Variants in SPOCK3 observed in about 807,000 individuals in gnomAD.
The protein encoded by SPOCK3 is SPARC (osteonectin), cwcv and kazal like domains proteoglycan 3.
SPOCK3 carries 30 observed loss-of-function variants against 56.6 expected under a neutral mutation model. The observed-to-expected ratio is 0.53, with a 90% CI of 0.40 to 0.72. SPOCK3 has a LOEUF of 0.72. Among genes scored for constraint, SPOCK3 ranks in the 30% least tolerant of loss-of-function variants. The probability of loss-of-function intolerance (pLI) is 0.00; values close to 1 mark genes in which losing one functional copy is unlikely to be tolerated. For missense variants in SPOCK3, 527 were observed against 530.0 expected, an observed-to-expected ratio of 0.99 and a Z score of 0.06; for synonymous variants, 196 against 183.3, an observed-to-expected ratio of 1.07 and a Z score of -0.56.
At chr4:166,922,957 T>C (rs1202460572) in intron 4 of SPOCK3, among the ~76,000 whole-genome samples, 1 of 152,190 alleles carries the variant, frequency 6.6e-6, no homozygotes, top group African/African-American at 2.4e-5. Flanking sequence ...TTCCCATGTC[T>C]GCTGTAATAA....
intron 8 of SPOCK3, among the ~76,000 whole-genome samples, chr4:166,748,605 G>A (rs1412645424): frequency 7.3e-6 from 1 of 136,742 alleles, no homozygotes; most frequent in Non-Finnish European, 1.5e-5. Context: ...AACACCAAAA[G>A]CAATGGCAAC....
intron 7 of SPOCK3, among the ~76,000 whole-genome samples, chr4:166,776,252 A>C (rs1739529528): frequency 6.6e-6 from 1 of 152,104 alleles, no homozygotes; most frequent in Non-Finnish European, 1.5e-5. Context: ...CTCTCTGCTA[A>C]AAATACAAAA....
At chr4:167,128,878 T>G (rs1383923052) in intron 2 of SPOCK3, among the ~76,000 whole-genome samples, 1 of 152,146 alleles carries the variant, frequency 6.6e-6, no homozygotes, top group Non-Finnish European at 1.5e-5. Context: ...CCACCCTGAA[T>G]GGAGGATTCC....
At chr4:166,955,551 ATAT>A (rs1305745381) in intron 4 of SPOCK3, among the ~76,000 whole-genome samples, 12 of 117,616 alleles carry the variant, frequency 1.0e-4, no homozygotes, top group African/African-American at 1.6e-4. Context: ...TTATTAAATT[ATAT>A]TATATTATTA....
At chr4:167,090,112 T>G (rs1458161634) in intron 2 of SPOCK3, among the ~76,000 whole-genome samples, 1 of 152,190 alleles carries the variant, frequency 6.6e-6, no homozygotes, top group Non-Finnish European at 1.5e-5. Context: ...TGTGGACATA[T>G]GTTTTTATTT....
At chr4:167,001,192 A>C (rs1430591422) in intron 3 of SPOCK3, among the ~76,000 whole-genome samples, 1 of 152,154 alleles carries the variant, frequency 6.6e-6, no homozygotes, top group Non-Finnish European at 1.5e-5. Context: ...GTATGTTTGC[A>C]ATTATAAAAT....
At position 166,903,853 on chromosome 4, in the gene SPOCK3, T is replaced by C. The variant is rs147909197; in HGVS notation, c.474+8767A>G. 2.4e-4 allele frequency among the ~76,000 whole-genome samples: 36 copies of C among 152,150 alleles called. 1 individual carries two copies. The highest frequency in any genetic ancestry group is 7.5e-4 in the African/African-American group (31 of 41,538). ...TAAAACATACAGTGCTCATAGAGTATATCCAGTGTGATTGTGGGAAGAATA... is the reference window on the plus strand; with the variant it reads ...TAAAACATACAGTGCTCATAGAGTACATCCAGTGTGATTGTGGGAAGAATA... On this transcript the variant is annotated intron_variant, in intron 5 of 10. Transcript: ENST00000357545.
intron 2 of SPOCK3, among the ~76,000 whole-genome samples, chr4:167,163,223 T>C (rs1765477722): frequency 6.7e-6 from 1 of 149,018 alleles, no homozygotes; most frequent in East Asian, 2.0e-4. Flanking sequence ...TCATGTTAAA[T>C]ATGAGAAAAT....
chr4:166,909,589 C>G (rs996682718), intron 5 of SPOCK3, among the ~76,000 whole-genome samples: 3 of 152,056 alleles, frequency 2.0e-5, no homozygotes, highest in African/African-American at 4.8e-5. Context: ...AAGGCTTCCA[C>G]AGCAAGACTG....
At chr4:166,916,863 C>G (rs1344559336) in intron 4 of SPOCK3, among the ~76,000 whole-genome samples, 3 of 152,064 alleles carry the variant, frequency 2.0e-5, no homozygotes, top group Non-Finnish European at 4.4e-5. Flanking sequence ...AGATGCTTAG[C>G]AAAAGTTAGA....
intron 4 of SPOCK3, among the ~76,000 whole-genome samples, chr4:166,919,265 C>CT (rs1738223523): frequency 6.6e-6 from 1 of 152,082 alleles, no homozygotes; most frequent in Non-Finnish European, 1.5e-5. Context: ...AAAGTACATG[C>CT]TTTACAGAGC....
Position 167,153,199 on chromosome 4 carries a change from A to C in SPOCK3, c.189+80786T>G, listed in dbSNP as rs552214619. On this transcript the variant is annotated intron_variant, in intron 2 of 10. Transcript: ENST00000357545. ...TGTGATTGGGCTTTGACTGAATTAC[A>C]GATCATCTGCAGATCATCTAATGCT... is the stretch of plus-strand genomic sequence containing the variant. Among the ~76,000 whole-genome samples the C allele has an allele frequency of 3.9e-5, 6 of 152,314 alleles. No individual in the cohort carries two copies. In the South Asian group the frequency reaches 1.2e-3, roughly 32 times the overall value.
At chr4:167,222,246 A>T (rs971754774) in intron 2 of SPOCK3, among the ~76,000 whole-genome samples, 7 of 152,026 alleles carry the variant, frequency 4.6e-5, no homozygotes, top group African/African-American at 1.4e-4. Context: ...AAAGTAGTCA[A>T]ATTCGTAGAA....
At chr4:166,998,732 G>C (rs990544560) in intron 4 of SPOCK3, among the ~76,000 whole-genome samples, 7 of 152,194 alleles carry the variant, frequency 4.6e-5, no homozygotes, top group African/African-American at 1.7e-4. Flanking sequence ...TCTGCACGTG[G>C]AAATCTTTCC....
chr4:167,200,485 A>G (rs1420146352), intron 2 of SPOCK3, among the ~76,000 whole-genome samples: 1 of 152,050 alleles, frequency 6.6e-6, no homozygotes, highest in Non-Finnish European at 1.5e-5. Flanking sequence ...CAGCCACTAG[A>G]TACACCATAA....
At chr4:167,228,151 G>A (rs1580694553) in intron 2 of SPOCK3, among the ~76,000 whole-genome samples, 1 of 152,038 alleles carries the variant, frequency 6.6e-6, no homozygotes, top group Admixed American at 6.6e-5. Context: ...CACATATCTG[G>A]TGCATACAAA....
chr4:167,044,890 G>A (rs1430221618), intron 3 of SPOCK3, among the ~76,000 whole-genome samples: 1 of 152,058 alleles, frequency 6.6e-6, no homozygotes, highest in African/African-American at 2.4e-5. Flanking sequence ...TTACTCTGCT[G>A]TTGCTGGATG....
At chr4:166,914,447 TA>T (rs1737622724) in intron 4 of SPOCK3, among the ~76,000 whole-genome samples, 1 of 152,110 alleles carries the variant, frequency 6.6e-6, no homozygotes, top group Admixed American at 6.6e-5. Flanking sequence ...ATTTAAAGAG[TA>T]AATATAACTA....
chr4:166,990,670 T>C (rs1747685420), intron 4 of SPOCK3, among the ~76,000 whole-genome samples: 1 of 152,108 alleles, frequency 6.6e-6, no homozygotes, highest in Non-Finnish European at 1.5e-5. Context: ...AGCTCTAATT[T>C]ACCCAAAATG....
Sources: gnomAD v4.1 joint callset for allele counts (sites outside exome capture counted in the v4.1 genomes callset) on GRCh38, gnomAD v4.1.1 for gene constraint, MANE v1.5 for transcripts, NCBI Gene and HGNC (gene_info 2026-07-23, HGNC 2026-07-21) for gene names.